PRKN: variants seen among roughly 807,000 people sequenced by gnomAD.
PRKN encodes the protein parkin RBR E3 ubiquitin protein ligase.
Under a neutral mutation model 59.5 loss-of-function variants are expected in PRKN, and 56 were observed. The observed-to-expected ratio is 0.94, with a 90% CI of 0.76 to 1.18. The LOEUF is 1.18. PRKN is among the 50% of genes most tolerant of loss of function. The pLI is 0.00. For synonymous variants in PRKN, 250 were observed against 222.1 expected (o/e 1.13, Z -1.12); for missense variants, 657 against 596.4 (o/e 1.10, Z -1.06).
intron 3 of PRKN, among the ~76,000 whole-genome samples, chr6:162,242,363 CTG>C: frequency 6.6e-6 from 1 of 152,124 alleles, no homozygotes; most frequent in East Asian, 1.9e-4. Flanking sequence ...AGGCCAGAAA[CTG>C]AGAAAGTTGC....
intron 5 of PRKN, among the ~76,000 whole-genome samples, chr6:162,052,153 G>A (rs1336051737): frequency 1.3e-5 from 2 of 151,888 alleles, no homozygotes; most frequent in African/African-American, 2.4e-5. Flanking sequence ...ATTATGTTCT[G>A]GCTGCATTTA....
At chr6:162,123,333 C>T (rs988489921) in intron 4 of PRKN, among the ~76,000 whole-genome samples, 7 of 152,048 alleles carry the variant, frequency 4.6e-5, no homozygotes, top group African/African-American at 7.2e-5. Context: ...AAAAAGGCAA[C>T]CTCCAAACAG....
rs552306271 is a variant in PRKN, at chr6:162,271,953, C to G, written c.172-9188G>C. Among the ~76,000 whole-genome samples, 5 of 152,300 alleles carry G rather than the reference C, an allele frequency of 3.3e-5. No homozygotes were observed. The East Asian group carries it at 9.6e-4, about 29-fold the overall frequency. Reference sequence around the variant, plus strand: ...ATACTGAAAGGCCCCTTCTCTGGTTCCCAAAGGCAGGCAATACAATTACTG... The same window carrying G: ...ATACTGAAAGGCCCCTTCTCTGGTTGCCAAAGGCAGGCAATACAATTACTG... On this transcript the variant is annotated intron_variant, in intron 2 of 11. Coordinates refer to ENST00000366898, the MANE Select transcript of PRKN (RefSeq NM_004562.3).
chr6:161,370,528 C>T (rs748839469), intron 10 of PRKN, among the ~76,000 whole-genome samples: 1 of 141,602 alleles, frequency 7.1e-6, no homozygotes, highest in African/African-American at 2.7e-5. Context: ...GGAGGCAGAG[C>T]TTGCAGTGAG....
intron 7 of PRKN, among the ~76,000 whole-genome samples, chr6:161,620,479 G>A (rs1482533685): frequency 2.6e-5 from 4 of 152,146 alleles, no homozygotes; most frequent in Non-Finnish European, 5.9e-5. Flanking sequence ...GAATTGATTT[G>A]TTTGATAGGA....
intron 7 of PRKN, among the ~76,000 whole-genome samples, chr6:161,573,757 TATATATATATATATATATATATA>T (rs1781017626): frequency 1.3e-4 from 6 of 44,958 alleles, no homozygotes; most frequent in Non-Finnish European, 1.5e-4. Flanking sequence ...AAAAAAAAAA[TATATATATATATATATATATATA>T]TATATATATA....
At chr6:161,647,146 T>C (rs1783986470) in intron 7 of PRKN, among the ~76,000 whole-genome samples, 1 of 152,184 alleles carries the variant, frequency 6.6e-6, no homozygotes, top group African/African-American at 2.4e-5. Context: ...TGTCCCCAAC[T>C]AGCTGTGTAA....
At position 161,410,067 on chromosome 6, in the gene PRKN, G is replaced by A. The variant is rs538510322; in HGVS notation, c.1084-23190C>T. On this transcript the variant is annotated intron_variant, in intron 9 of 11. Coordinates refer to ENST00000366898, the MANE Select transcript of PRKN (RefSeq NM_004562.3). The surrounding 1 kb of genome is among the most constrained non-coding windows in gnomAD (Gnocchi z 5.3). ...AGGATGCAAAAGATCATAGGTGTAGGCTCTGGGCAGCCCGTGCATCTGCTG... is the reference window on the plus strand; with the variant it reads ...AGGATGCAAAAGATCATAGGTGTAGACTCTGGGCAGCCCGTGCATCTGCTG... Among the ~76,000 whole-genome samples the A allele has an allele frequency of 4.7e-4, 71 of 151,378 alleles. No homozygotes were observed. The South Asian group carries it at 5.4e-3, about 12-fold the overall frequency.
intron 4 of PRKN, among the ~76,000 whole-genome samples, chr6:162,084,316 C>T (rs950034905): frequency 6.6e-6 from 1 of 152,088 alleles, no homozygotes; most frequent in African/African-American, 2.4e-5. Flanking sequence ...CGACCTACAT[C>T]CACTCATGCA....
intron 7 of PRKN, among the ~76,000 whole-genome samples, chr6:161,742,366 G>A (rs916612774): frequency 6.6e-6 from 1 of 152,138 alleles, no homozygotes; most frequent in African/African-American, 2.4e-5. Flanking sequence ...ATGATTGTGA[G>A]GCTTCTCCAG....
At position 162,418,740 on chromosome 6, in the gene PRKN, G is replaced by A. The variant is rs144038980; in HGVS notation, c.171+24570C>T. The stretch of plus-strand genomic sequence containing the variant: ...GACCCAGTGGCTGATGGTGTGCACG[G>A]TTCCTGCACACTCATGAAGGAATCC... On this transcript the variant is annotated intron_variant, in intron 2 of 11. Transcript: ENST00000366898. 3.0e-3 allele frequency among the ~76,000 whole-genome samples: 450 copies of A among 151,480 alleles called. 1 individual carries two copies. Among genetic ancestry groups the A allele is most frequent in the Non-Finnish European group, 5.6e-3 (383 of 67,896 alleles).
rs1027066538 is a variant in PRKN at position 162,212,351 on chromosome 6, C to A, written c.413-11099G>T. Among the ~76,000 whole-genome samples, 3 of 149,998 alleles carry A rather than the reference C, an allele frequency of 2.0e-5. No homozygotes were observed. In the Admixed American group the frequency reaches 2.0e-4, roughly 10 times the overall value. ...TCTATTCCCCACCCCCACCTTCAACCAAAAAGAATGTTGTCCCAGGAAGAC... is the reference window on the plus strand; with the variant it reads ...TCTATTCCCCACCCCCACCTTCAACAAAAAAGAATGTTGTCCCAGGAAGAC... On this transcript the variant is annotated intron_variant, in intron 3 of 11. Coordinates refer to ENST00000366898, the MANE Select transcript of PRKN (RefSeq NM_004562.3).
chr6:161,984,457 C>T (rs1562437985), intron 5 of PRKN, among the ~76,000 whole-genome samples: 1 of 152,012 alleles, frequency 6.6e-6, no homozygotes, highest in South Asian at 2.1e-4. Flanking sequence ...GGGGTTTTGC[C>T]ATGTTGGCCA....
intron 2 of PRKN, among the ~76,000 whole-genome samples, chr6:162,348,017 T>A (rs112585518): frequency 3.3e-5 from 5 of 152,272 alleles, no homozygotes; most frequent in African/African-American, 1.2e-4. Flanking sequence ...AAAATATTGG[T>A]GAGAGGTGCT....
rs1786208027 is a variant in PRKN, at chr6:161,385,655, T to C, written c.1167+1139A>G. On this transcript the variant is annotated intron_variant, in intron 10 of 11. Coordinates refer to ENST00000366898, the MANE Select transcript of PRKN (RefSeq NM_004562.3). This position sits in a 1 kb window ranked among gnomAD's most constrained non-coding sequence, Gnocchi z 4.9. Reference sequence around the variant, plus strand: ...AGTCTCAGAGCATATGGATGTAAATTGCTAGACTAACTCCGTTTCCCAGAG... The same window carrying C: ...AGTCTCAGAGCATATGGATGTAAATCGCTAGACTAACTCCGTTTCCCAGAG... Among the ~76,000 whole-genome samples, 1 of 152,178 alleles carries C rather than the reference T, an allele frequency of 6.6e-6. No individual in the cohort carries two copies. The highest frequency in any genetic ancestry group is 1.5e-5 in the Non-Finnish European group (1 of 68,034).
At chr6:161,998,938 A>G (rs1273588476) in intron 5 of PRKN, among the ~76,000 whole-genome samples, 3 of 152,082 alleles carry the variant, frequency 2.0e-5, no homozygotes, top group Non-Finnish European at 2.9e-5. Context: ...TGTTTAGGTA[A>G]TTTTCCTCAC....
intron 7 of PRKN, among the ~76,000 whole-genome samples, chr6:161,608,107 G>A (rs1028855789): frequency 2.0e-5 from 3 of 152,118 alleles, no homozygotes; most frequent in Non-Finnish European, 2.9e-5. Flanking sequence ...AGTGCCCTCC[G>A]CTGTGCTGGA....
intron 6 of PRKN, among the ~76,000 whole-genome samples, chr6:161,813,865 T>C (rs1293562729): frequency 6.6e-6 from 1 of 152,230 alleles, no homozygotes; most frequent in Non-Finnish European, 1.5e-5. Flanking sequence ...TGGCAGTTTC[T>C]GGGTTCCTCA....
intron 7 of PRKN, among the ~76,000 whole-genome samples, chr6:161,677,854 A>C (rs1785146447): frequency 6.6e-6 from 1 of 152,210 alleles, no homozygotes; most frequent in African/African-American, 2.4e-5. Flanking sequence ...GTGACTCACA[A>C]ATAACCAGTA....
Sources: allele counts gnomAD v4.1 joint callset (sites outside exome capture counted in the v4.1 genomes callset), GRCh38; gene constraint gnomAD v4.1.1; non-coding constraint Gnocchi (gnomAD v3.1); transcripts MANE v1.5; gene names NCBI Gene and HGNC (gene_info 2026-07-23, HGNC 2026-07-21).